The following ARNT variants were observed in gnomAD, a reference collection of about 807,000 sequenced individuals.
ARNT encodes the protein class E basic helix-loop-helix protein 2.
ARNT carries 30 observed loss-of-function variants against 105.0 expected under a neutral mutation model. The ratio of observed to expected loss-of-function variants is 0.29; its 90% confidence interval spans 0.21 to 0.39. ARNT has a LOEUF of 0.39. Ranked by LOEUF, ARNT falls within the 10% of genes least tolerant of loss-of-function variation. ARNT has a pLI of 1.00. For synonymous variants in ARNT, 304 were observed against 344.0 expected (o/e 0.88, Z 1.29); for missense variants, 748 against 978.7 (o/e 0.76, Z 3.15).
At chr1:150,838,659 A>T (rs1660732749) in intron 6 of ARNT, among the ~76,000 whole-genome samples, 1 of 152,058 alleles carries the variant, frequency 6.6e-6, no homozygotes, top group East Asian at 1.9e-4. Context: ...ACTGAAGTAA[A>T]TTTTTTTCTT....
chr1:150,842,560 G>A (rs587641663), intron 4 of ARNT, 92 bp from the exon 5 acceptor site: 8 of 1,070,298 alleles, frequency 7.5e-6, no homozygotes, highest in South Asian at 2.9e-5. Flanking sequence ...AAGGAGGGAG[G>A]GAGAGGAAAT....
chr1:150,817,268 T>G (rs1012351686), intron 16 of ARNT, 66 bp from the exon 17 acceptor site: 2 of 1,611,858 alleles, frequency 1.2e-6, no homozygotes, highest in African/African-American at 2.7e-5. Flanking sequence ...ACCCTAAAAT[T>G]CATATACAAC....
chr1:150,841,498 C>T (rs35716807), intron 5 of ARNT, among the ~76,000 whole-genome samples: 6 of 151,784 alleles, frequency 4.0e-5, no homozygotes, highest in Non-Finnish European at 5.9e-5. Flanking sequence ...GTAAGAAGCT[C>T]GAGTTAAACT....
At chr1:150,852,062 AC>A (rs1397478804) in intron 3 of ARNT, among the ~76,000 whole-genome samples, 5 of 151,856 alleles carry the variant, frequency 3.3e-5, no homozygotes, top group Non-Finnish European at 7.4e-5. Flanking sequence ...AAAAACAAAA[AC>A]AAAAAATACA....
intron 3 of ARNT, 76 bp downstream of exon 3, chr1:150,852,686 T>G: frequency 7.1e-7 from 1 of 1,404,550 alleles, no homozygotes; most frequent in Non-Finnish European, 9.9e-7. Context: ...GGACAAAAAT[T>G]TACAAGTCAG....
intron 1 of ARNT, among the ~76,000 whole-genome samples, chr1:150,871,681 G>C (rs587723011): frequency 6.7e-6 from 1 of 148,412 alleles, no homozygotes; most frequent in South Asian, 2.1e-4. Context: ...AGGCCAAGGT[G>C]GGCGGATCAC....
At chr1:150,832,152 T>G (rs1202564849) in intron 9 of ARNT, among the ~76,000 whole-genome samples, 182 bp downstream of exon 9, 2 of 151,982 alleles carry the variant, frequency 1.3e-5, no homozygotes, top group Non-Finnish European at 2.9e-5. Context: ...TCAAGAGAAG[T>G]TTTAGAAGTT....
At chr1:150,858,316 G>T in intron 2 of ARNT, 33 bp downstream of exon 2, 1 of 1,512,280 alleles carries the variant, frequency 6.6e-7, no homozygotes, top group Non-Finnish European at 9.1e-7. Flanking sequence ...GTTTATAGGA[G>T]AGATATTCAT....
intron 12 of ARNT, 135 bp downstream of exon 12, chr1:150,828,958 G>A (rs1041397603): frequency 2.4e-5 from 25 of 1,022,470 alleles, no homozygotes; most frequent in Non-Finnish European, 3.3e-5. Flanking sequence ...AATAATGTTA[G>A]GTACTAACAG....
intron 14 of ARNT, among the ~76,000 whole-genome samples, chr1:150,820,000 T>C (rs1656729711): frequency 6.6e-6 from 1 of 152,184 alleles, no homozygotes; most frequent in Non-Finnish European, 1.5e-5. Flanking sequence ...AGAGGAACAG[T>C]AACTAATGAA....
intron 19 of ARNT, among the ~76,000 whole-genome samples, chr1:150,815,818 C>T (rs1655735581): frequency 1.3e-5 from 2 of 148,728 alleles, no homozygotes; most frequent in South Asian, 2.1e-4. Flanking sequence ...GAGCCAAGAT[C>T]GCACCACTGC....
chr1:150,817,331 A>G, intron 16 of ARNT, 30 bp downstream of exon 16: 4 of 1,611,468 alleles, frequency 2.5e-6, no homozygotes, highest in Non-Finnish European at 2.5e-6. Context: ...AATACTCCCT[A>G]CCCTCTTCAA....
Position 150,810,412 on chromosome 1 carries a change from T to C in ARNT, c.*1609A>G, listed in dbSNP as rs1000930277. ...TCGTAAATTGTGATATAAATATATA[T>C]GTATACTGTAAGTGTGCACATAGAA... On this transcript the variant is annotated 3_prime_UTR_variant, in exon 22 of 22. Coordinates refer to ENST00000358595, the MANE Select transcript of ARNT (RefSeq NM_001668.4). 4.5e-6 allele frequency: 1 copy of C among 222,100 alleles called. No individual in the cohort carries two copies. The highest frequency in any genetic ancestry group is 9.0e-6 in the Non-Finnish European group (1 of 110,782). 13.8% of individuals were successfully genotyped at this position (222,100 alleles called of 1,614,324 possible). A position where few individuals can be genotyped will look rare whatever the true frequency, so the allele number is the denominator to read the frequency against.
Position 150,832,409 on chromosome 1 carries a change from G to A in ARNT, c.804-10C>T, listed in dbSNP as rs1379722453. The A allele has an allele frequency of 6.2e-7, 1 of 1,613,890 alleles. No individual in the cohort carries two copies. The highest frequency in any genetic ancestry group is 8.5e-7 in the Non-Finnish European group (1 of 1,179,904). ...AGAGCTACTGCCACACCTGTTTCAA[G>A]GAATAAAGAGATTAAAAGCAATCAG... On this transcript the variant is annotated splice_polypyrimidine_tract_variant and intron_variant, in intron 8 of 21. Transcript: ENST00000358595.
At chr1:150,816,234 G>A (rs1655846414) in intron 19 of ARNT, 25 bp downstream of exon 19, 1 of 1,586,698 alleles carries the variant, frequency 6.3e-7, no homozygotes, top group Non-Finnish European at 8.5e-7. Flanking sequence ...TAATACACAG[G>A]GAACACACAG....
Position 150,817,696 on chromosome 1 carries a change from C to G in ARNT, c.1505+224G>C, listed in dbSNP as rs1292457508. On this transcript the variant is annotated intron_variant, in intron 15 of 21. Coordinates refer to ENST00000358595, the MANE Select transcript of ARNT (RefSeq NM_001668.4). ...TGGTGGCAGGCACCTGTAATCCCAGCTATTTGGGAGGCTGAGGCAGGTGAA... is the reference window on the plus strand; with the variant it reads ...TGGTGGCAGGCACCTGTAATCCCAGGTATTTGGGAGGCTGAGGCAGGTGAA... Among the ~76,000 whole-genome samples the G allele has an allele frequency of 3.3e-5, 5 of 151,634 alleles. No homozygotes were observed. The East Asian group carries it at 5.8e-4, about 18-fold the overall frequency.
intron 3 of ARNT, among the ~76,000 whole-genome samples, chr1:150,849,686 C>T (rs1209104256): frequency 1.3e-5 from 2 of 152,004 alleles, no homozygotes; most frequent in Non-Finnish European, 2.9e-5. Flanking sequence ...TCGCTTGAGC[C>T]CTGGAGTTCG....
At chr1:150,820,897 G>T (rs1378857001) in intron 14 of ARNT, among the ~76,000 whole-genome samples, 1 of 152,114 alleles carries the variant, frequency 6.6e-6, no homozygotes, top group Non-Finnish European at 1.5e-5. Flanking sequence ...GGAGGCTAGG[G>T]GCACTGACCC....
intron 4 of ARNT, among the ~76,000 whole-genome samples, chr1:150,846,008 C>T (rs1233858708): frequency 6.6e-6 from 1 of 152,158 alleles, no homozygotes. Flanking sequence ...CCTATGGAAA[C>T]CTTGCAAGCA....
Sources: allele counts gnomAD v4.1 joint callset (sites outside exome capture counted in the v4.1 genomes callset), GRCh38; gene constraint gnomAD v4.1.1; transcripts MANE v1.5; gene names NCBI Gene and HGNC (gene_info 2026-07-23, HGNC 2026-07-21).